Variants in SF3B3 observed in about 807,000 individuals in gnomAD.
SF3B3 encodes SAP 130.
Under a neutral mutation model 139.2 loss-of-function variants are expected in SF3B3, and 33 were observed. The observed-to-expected ratio is 0.24, with a 90% CI of 0.18 to 0.32. SF3B3 has a LOEUF of 0.32. Ranked by LOEUF, SF3B3 falls within the 10% of genes least tolerant of loss-of-function variation. The pLI, the probability that SF3B3 is intolerant of heterozygous loss-of-function variation, is 1.00. For synonymous variants in SF3B3, 596 were observed against 563.6 expected (o/e 1.06, Z -0.81); for missense variants, 818 against 1,509.4 (o/e 0.54, Z 7.59).
chr16:70,567,396 G>C lies in SF3B3; in HGVS notation c.2827-15G>C, dbSNP rs997445098. The C allele has an allele frequency of 6.2e-7, 1 of 1,607,650 alleles. No individual in the cohort carries two copies. The highest frequency in any genetic ancestry group is 1.3e-5 in the African/African-American group (1 of 74,592). ...GGCATTTATAATAGCTGTATTACCTGCTTTTCCTCTATAGACTCCTGTGGA... is the reference window on the plus strand; with the variant it reads ...GGCATTTATAATAGCTGTATTACCTCCTTTTCCTCTATAGACTCCTGTGGA... On this transcript the variant is annotated splice_polypyrimidine_tract_variant and intron_variant, in intron 20 of 25. Transcript: ENST00000302516.
At position 70,576,092 on chromosome 16, in the gene SF3B3, T is replaced by A. The variant is rs567267674; in HGVS notation, c.*4279T>A. 1.9e-4 allele frequency: 29 copies of A among 150,594 alleles called. No individual in the cohort carries two copies. The highest frequency in any genetic ancestry group is 7.1e-4 in the African/African-American group (29 of 41,016). The allele number at this position is 150,594 out of a possible 1,614,324, so 9.3% of individuals were successfully genotyped here. The stretch of plus-strand genomic sequence containing the variant: ...GGCGTGAAGCCCTGTTTTTTTTTTT[T>A]TAAAAAAAGAGTCTGCTGGTGATGT... On this transcript the variant is annotated 3_prime_UTR_variant, in exon 26 of 26. Coordinates refer to ENST00000302516, the MANE Select transcript of SF3B3 (RefSeq NM_012426.5).
intron 22 of SF3B3, 38 bp from the exon 23 acceptor site, chr16:70,569,005 C>T (rs758897412): frequency 3.0e-5 from 45 of 1,483,722 alleles, no homozygotes; most frequent in Middle Eastern, 2.4e-4. Flanking sequence ...TGAGCAGGTC[C>T]GGGCCCCAGC....
intron 25 of SF3B3, among the ~76,000 whole-genome samples, 200 bp from the exon 26 acceptor site, chr16:70,571,473 A>G (rs149999672): frequency 2.0e-5 from 3 of 152,296 alleles, no homozygotes; most frequent in East Asian, 1.9e-4. Flanking sequence ...GTCCCAGCCA[A>G]TCGGGAGGCT....
At chr16:70,564,938 C>T (rs1331205258) in intron 18 of SF3B3, 127 bp from the exon 19 acceptor site, 2 of 773,322 alleles carry the variant, frequency 2.6e-6, no homozygotes, top group Non-Finnish European at 4.5e-6. Context: ...GAAATCCTGG[C>T]TGGGATGGCT....
Position 70,574,525 on chromosome 16 carries a change from A to C in SF3B3, c.*2712A>C, listed in dbSNP as rs947699180. 6.6e-6 allele frequency: 1 copy of C among 152,042 alleles called. No homozygotes were observed. Among genetic ancestry groups the C allele is most frequent in the Non-Finnish European group, 1.5e-5 (1 of 68,028 alleles). 9.4% of individuals were successfully genotyped at this position (152,042 alleles called of 1,614,324 possible). On this transcript the variant is annotated 3_prime_UTR_variant, in exon 26 of 26. Transcript: ENST00000302516. ...TGTTTGTTTGTTTATTAGAGATGGA[A>C]TCTCTCTCTCTTGACCAGGCTAGAG...
rs2050535299 is a variant in SF3B3 at position 70,572,134 on chromosome 16, A to G, written c.*321A>G. On this transcript the variant is annotated 3_prime_UTR_variant, in exon 26 of 26. Coordinates refer to ENST00000302516, the MANE Select transcript of SF3B3 (RefSeq NM_012426.5). ...GACTCTCCTGTCTACTTTTGCACAC[A>G]CCCTTAATTTTTAATTGGTTTTCTT... 1 of 529,166 alleles carries G rather than the reference A, an allele frequency of 1.9e-6. No homozygotes were observed. 32.8% of individuals were successfully genotyped at this position (529,166 alleles called of 1,614,324 possible). A position where few individuals can be genotyped will look rare whatever the true frequency, so the allele number is the denominator to read the frequency against.
intron 2 of SF3B3, among the ~76,000 whole-genome samples, chr16:70,527,281 G>A (rs1000856438): frequency 6.6e-6 from 1 of 152,216 alleles, no homozygotes; most frequent in African/African-American, 2.4e-5. Context: ...GGTTTGAATT[G>A]TGTGAAATTT....
At chr16:70,559,270 C>T (rs960631694) in intron 15 of SF3B3, among the ~76,000 whole-genome samples, 1 of 152,160 alleles carries the variant, frequency 6.6e-6, no homozygotes, top group Non-Finnish European at 1.5e-5. Context: ...ACTATAAGTA[C>T]GGTTCATACA....
rs777268062 is a variant in SF3B3, at chr16:70,535,385, C to T, written c.790C>T (p.Gln264Ter). ...NYITYKNFGD[Q>*]PDIRCPIPRR... The stretch of plus-strand genomic sequence containing the variant: ...TATTACTTACAAGAACTTTGGTGAC[C>T]AGCCAGATATCCGCTGTCCAATTCC... Residue 264 changes from glutamine to a stop codon, truncating the protein, a stop_gained, in exon 6 of 26, where the codon CAG becomes TAG. Coordinates refer to ENST00000302516, the MANE Select transcript of SF3B3 (RefSeq NM_012426.5). LOFTEE classifies it high-confidence loss of function. 6.2e-7 allele frequency: 1 copy of T among 1,609,938 alleles called. No homozygotes were observed.
At chr16:70,538,154 G>A in intron 6 of SF3B3, 169 bp from the exon 7 acceptor site, 1 of 745,084 alleles carries the variant, frequency 1.3e-6, no homozygotes, top group Non-Finnish European at 2.4e-6. Context: ...ATTTATATTA[G>A]AATTTTGAGC....
intron 11 of SF3B3, 135 bp from the exon 12 acceptor site, chr16:70,554,311 A>T (rs2050359355): frequency 2.7e-6 from 2 of 730,680 alleles, no homozygotes; most frequent in Non-Finnish European, 4.6e-6. Flanking sequence ...GTGCATGTGT[A>T]TGTGTGTATG....
In SF3B3 at chr16:70,529,069, T is replaced by A. The variant is rs747953081; in HGVS notation, c.267T>A (p.Ile89=). ...GCAGTGACTCTGGTCGAATTGTTAT[T>A]TTGGAATACCAGCCATCTAAGAATA... ...VVGSDSGRIV[I]LEYQPSKNMF... Residue 89 remains isoleucine, a synonymous_variant, in exon 3 of 26, where the codon ATT becomes ATA. Transcript: ENST00000302516. The A allele has an allele frequency of 6.2e-7, 1 of 1,614,246 alleles. No homozygotes were observed. The highest frequency in any genetic ancestry group is 1.7e-5 in the Admixed American group (1 of 60,024).
intron 20 of SF3B3, among the ~76,000 whole-genome samples, chr16:70,566,407 A>G (rs983281544): frequency 2.6e-5 from 4 of 151,816 alleles, no homozygotes; most frequent in Admixed American, 6.6e-5. Context: ...TATTAAAAAT[A>G]AAAAATCAGC....
chr16:70,526,471 G>A (rs1041502709), intron 1 of SF3B3, 116 bp from the exon 2 acceptor site: 9 of 565,966 alleles, frequency 1.6e-5, no homozygotes, highest in African/African-American at 1.3e-4. Context: ...CACATATGTT[G>A]TTTCTTAATA....
intron 10 of SF3B3, among the ~76,000 whole-genome samples, chr16:70,545,738 C>T (rs890397163): frequency 2.0e-5 from 3 of 152,020 alleles, no homozygotes; most frequent in Admixed American, 6.6e-5. Context: ...GTTTTTGTTT[C>T]TTCTGTTAAA....
chr16:70,554,683 T>C, intron 12 of SF3B3, 86 bp downstream of exon 12: 1 of 1,372,508 alleles, frequency 7.3e-7, no homozygotes, highest in Non-Finnish European at 1.0e-6. Context: ...TTCATGTCTC[T>C]TCACCCTCAC....
intron 14 of SF3B3, 129 bp from the exon 15 acceptor site, chr16:70,556,757 A>G: frequency 7.8e-5 from 63 of 812,158 alleles, no homozygotes; most frequent in Non-Finnish European, 1.1e-4. Flanking sequence ...CTCTCTTAGA[A>G]CTCACTCCCC....
At chr16:70,557,127 C>T in intron 15 of SF3B3, 98 bp downstream of exon 15, 3 of 1,289,450 alleles carry the variant, frequency 2.3e-6, no homozygotes. Context: ...CCCATGGTTT[C>T]AGATCCTCAC....
chr16:70,552,190 C>A lies in SF3B3; in HGVS notation c.1403-2256C>A, dbSNP rs74566013. On this transcript the variant is annotated intron_variant, in intron 11 of 25. Coordinates refer to ENST00000302516, the MANE Select transcript of SF3B3 (RefSeq NM_012426.5). Reference sequence around the variant, plus strand: ...GTCTTTTGGAAGGTCACCTTTTCCCCTTGGTGAAGATCTGAGACCAGAAAT... The same window carrying A: ...GTCTTTTGGAAGGTCACCTTTTCCCATTGGTGAAGATCTGAGACCAGAAAT... Among the ~76,000 whole-genome samples, 522 of 152,284 alleles carry A rather than the reference C, an allele frequency of 3.4e-3. 6 individuals carry two copies. Among genetic ancestry groups the A allele is most frequent in the African/African-American group, 0.012 (486 of 41,542 alleles).
Sources: gnomAD v4.1 joint callset for allele counts (sites outside exome capture counted in the v4.1 genomes callset) on GRCh38, gnomAD v4.1.1 for gene constraint, MANE v1.5 for transcripts, NCBI Gene and HGNC (gene_info 2026-07-23, HGNC 2026-07-21) for gene names.